The following SAXO1 variants were observed in gnomAD, a reference collection of about 807,000 sequenced individuals.
SAXO1 encodes the protein 4930500O09Rik.
In SAXO1, 21 loss-of-function variants were observed where a neutral mutation model predicts 17.5. The observed-to-expected ratio is 1.20, with a 90% CI of 0.85 to 1.72. The LOEUF is 1.72. SAXO1 is among the 40% of genes most tolerant of loss of function. The pLI, the probability that SAXO1 is intolerant of heterozygous loss-of-function variation, is 0.00. For missense variants in SAXO1, 843 were observed against 596.0 expected (o/e 1.41, Z -4.32); for synonymous variants, 274 against 216.5 (o/e 1.27, Z -2.33).
At chr9:18,960,993 T>G (rs768774554) in intron 1 of SAXO1, among the ~76,000 whole-genome samples, 1 of 152,118 alleles carries the variant, frequency 6.6e-6, no homozygotes, top group Non-Finnish European at 1.5e-5. Context: ...GGACTTGGGT[T>G]AAATAGGCAC....
At chr9:18,949,448 C>G (rs939813392) in intron 2 of SAXO1, among the ~76,000 whole-genome samples, 2 of 152,038 alleles carry the variant, frequency 1.3e-5, no homozygotes, top group East Asian at 3.9e-4. Flanking sequence ...CAGAAGGAAA[C>G]CTTGTTTTAA....
intron 1 of SAXO1, among the ~76,000 whole-genome samples, chr9:19,012,190 G>C (rs1399581280): frequency 1.3e-5 from 2 of 152,176 alleles, no homozygotes; most frequent in African/African-American, 4.8e-5. Flanking sequence ...GAGGCATATA[G>C]ATGTTTGTTT....
chr9:18,931,857 T>C (rs1831064726), intron 3 of SAXO1, among the ~76,000 whole-genome samples: 1 of 152,218 alleles, frequency 6.6e-6, no homozygotes, highest in South Asian at 2.1e-4. Context: ...CATTTTAAAA[T>C]TAGATTGTCT....
At chr9:19,010,149 A>AAC (rs1563979277) in intron 1 of SAXO1, among the ~76,000 whole-genome samples, 91 of 151,242 alleles carry the variant, frequency 6.0e-4, no homozygotes, top group African/African-American at 2.2e-3. Flanking sequence ...ATCTAAAAAA[A>AAC]AACAACAACA....
chr9:18,998,525 A>C (rs1433765882), intron 1 of SAXO1, among the ~76,000 whole-genome samples: 2 of 152,214 alleles, frequency 1.3e-5, no homozygotes, highest in Non-Finnish European at 2.9e-5. Context: ...AATGGAACCA[A>C]GTTAGAAAAC....
At chr9:18,986,895 A>G (rs550003268) in intron 1 of SAXO1, among the ~76,000 whole-genome samples, 2 of 152,218 alleles carry the variant, frequency 1.3e-5, no homozygotes, top group Non-Finnish European at 2.9e-5. Context: ...CAATTTTCTG[A>G]CAAATGGAAG....
chr9:19,012,486 T>C (rs1010251165), intron 1 of SAXO1, among the ~76,000 whole-genome samples: 2 of 152,228 alleles, frequency 1.3e-5, no homozygotes, highest in Admixed American at 6.5e-5. Context: ...GTGGTGTTGG[T>C]ATATCTAAAG....
chr9:19,008,196 T>C (rs1199618008), intron 1 of SAXO1, among the ~76,000 whole-genome samples: 3 of 152,072 alleles, frequency 2.0e-5, no homozygotes, highest in Non-Finnish European at 2.9e-5. Flanking sequence ...GCTGGTGATC[T>C]TGAACTCCTA....
At chr9:19,022,224 A>G (rs1361887211) in intron 1 of SAXO1, among the ~76,000 whole-genome samples, 1 of 152,214 alleles carries the variant, frequency 6.6e-6, no homozygotes, top group Non-Finnish European at 1.5e-5. Context: ...CCACTCCTTA[A>G]GTCAGAGAGA....
intron 1 of SAXO1, among the ~76,000 whole-genome samples, chr9:19,009,594 G>C (rs1338980753): frequency 6.6e-6 from 1 of 152,110 alleles, no homozygotes; most frequent in Non-Finnish European, 1.5e-5. Context: ...AATCTGTGCA[G>C]AGAGGAGTAC....
chr9:18,978,484 G>C (rs141621238), intron 1 of SAXO1, among the ~76,000 whole-genome samples: 3 of 152,312 alleles, frequency 2.0e-5, no homozygotes, highest in African/African-American at 7.2e-5. Context: ...TCCATTTTCA[G>C]GGTCAGCTGT....
upstream of SAXO1, among the ~76,000 whole-genome samples, chr9:19,034,720 C>A (rs564758046): frequency 2.0e-5 from 3 of 152,168 alleles, no homozygotes; most frequent in Non-Finnish European, 4.4e-5. Flanking sequence ...AGGATGGAAA[C>A]ATGGCCAGAC....
Position 18,928,154 on chromosome 9 carries a change from C to T in SAXO1, c.1323G>A (p.Arg441=), listed in dbSNP as rs868818144. The change falls in exon 4 of 4, where the codon AGG becomes AGA. Residue 441 remains arginine, a synonymous_variant. Coordinates refer to ENST00000380534, the MANE Select transcript of SAXO1 (RefSeq NM_153707.4). ...CTGCCTGGGAAACTGGTTTGTATAT[C>T]CTGTGACCCAAAGCATCCACTTCCT... is the stretch of plus-strand genomic sequence containing the variant. The part of the protein sequence containing the change: ...TFEEVDALGH[R]IYKPVSQAGS... 2 of 1,614,150 alleles carry T rather than the reference C, an allele frequency of 1.2e-6. No individual in the cohort carries two copies. Among genetic ancestry groups the T allele is most frequent in the Admixed American group, 1.7e-5 (1 of 60,018 alleles).
intron 2 of SAXO1, among the ~76,000 whole-genome samples, chr9:18,943,126 C>T (rs769243860): frequency 2.0e-4 from 31 of 152,320 alleles, no homozygotes; most frequent in South Asian, 1.0e-3. Flanking sequence ...TCAGTAAACC[C>T]GAACCGGGTC....
chr9:18,961,835 A>G (rs559305022), intron 1 of SAXO1, among the ~76,000 whole-genome samples: 6 of 152,132 alleles, frequency 3.9e-5, no homozygotes, highest in South Asian at 2.1e-4. Flanking sequence ...TGATGTACCT[A>G]TCCTTTGGTT....
intron 1 of SAXO1, chr9:19,026,975 C>T (rs1394395738): frequency 8.8e-6 from 8 of 908,088 alleles, no homozygotes; most frequent in East Asian, 5.1e-5. Flanking sequence ...TCATCCAGCG[C>T]ACATGGCTTC....
chr9:19,010,692 T>C (rs10811096), intron 1 of SAXO1, among the ~76,000 whole-genome samples: 7,161 of 152,100 alleles, frequency 0.047, 178 homozygotes, highest in Middle Eastern at 0.075. Flanking sequence ...TAAAAACGGG[T>C]TAAAAAAGAC....
chr9:19,007,382 A>T (rs142070720), intron 1 of SAXO1, among the ~76,000 whole-genome samples: 1 of 152,212 alleles, frequency 6.6e-6, no homozygotes, highest in Non-Finnish European at 1.5e-5. Context: ...TAAAATGTTA[A>T]ATTTTAAGTT....
intron 1 of SAXO1, among the ~76,000 whole-genome samples, chr9:19,006,387 T>G (rs563192999): frequency 6.0e-4 from 91 of 152,302 alleles, no homozygotes; most frequent in Admixed American, 3.7e-3. Context: ...AACAGATAAA[T>G]GGATAAACAA....
Sources: allele counts gnomAD v4.1 joint callset (sites outside exome capture counted in the v4.1 genomes callset), GRCh38; gene constraint gnomAD v4.1.1; transcripts MANE v1.5; gene names NCBI Gene and HGNC (gene_info 2026-07-23, HGNC 2026-07-21).